Variants in GRIN3A observed in about 807,000 individuals in gnomAD.
GRIN3A encodes glutamate ionotropic receptor NMDA type subunit 3A.
A neutral mutation model predicts 92.4 loss-of-function variants in GRIN3A; 47 were observed. That is an observed-to-expected ratio of 0.51 (90% confidence interval 0.40 to 0.65). The LOEUF (loss-of-function observed/expected upper bound fraction) is 0.65. Among genes scored for constraint, GRIN3A ranks in the 30% least tolerant of loss-of-function variants. GRIN3A has a pLI of 0.00. For synonymous variants in GRIN3A, 527 were observed against 540.6 expected (o/e 0.97, Z 0.35); for missense variants, 1,324 against 1,393.1 (o/e 0.95, Z 0.79).
rs1588240995 is a variant in GRIN3A at position 101,595,056 on chromosome 9, A to C, written c.2767-15696T>G. On this transcript the variant is annotated intron_variant, in intron 6 of 8. Coordinates refer to ENST00000361820, the MANE Select transcript of GRIN3A (RefSeq NM_133445.3). ...GGGCTCCCGGGGGCCCTGGTCGAGC[A>C]AAAGGGCAGGGGAGCGGAGGGAGGG... is the stretch of plus-strand genomic sequence containing the variant. 4.1e-6 allele frequency: 4 copies of C among 984,948 alleles called. No homozygotes were observed. In the East Asian group the frequency reaches 1.0e-4, roughly 25 times the overall value. The allele number at this position is 984,948 out of a possible 1,614,324, so 61.0% of individuals were successfully genotyped here.
intron 6 of GRIN3A, among the ~76,000 whole-genome samples, chr9:101,605,087 C>G (rs1334903308): frequency 6.6e-6 from 1 of 152,190 alleles, no homozygotes; most frequent in Non-Finnish European, 1.5e-5. Context: ...GCCCCGGGAC[C>G]CATATCTTCA....
At chr9:101,680,640 G>A (rs1440392314) in intron 2 of GRIN3A, among the ~76,000 whole-genome samples, 1 of 152,112 alleles carries the variant, frequency 6.6e-6, no homozygotes, top group African/African-American at 2.4e-5. Context: ...CCAGGTCAAG[G>A]AAAATGGATA....
At chr9:101,626,824 T>C (rs899604129) in intron 4 of GRIN3A, among the ~76,000 whole-genome samples, 7 of 152,254 alleles carry the variant, frequency 4.6e-5, no homozygotes, top group Non-Finnish European at 8.8e-5. Flanking sequence ...TAGTCCTGAC[T>C]CTGCCACTTG....
intron 1 of GRIN3A, among the ~76,000 whole-genome samples, chr9:101,707,070 T>C (rs1829823256): frequency 6.6e-6 from 1 of 152,230 alleles, no homozygotes; most frequent in Non-Finnish European, 1.5e-5. Flanking sequence ...TTGCAAAAGA[T>C]GCCAGTATCT....
At chr9:101,713,383 A>G (rs1448766904) in intron 1 of GRIN3A, among the ~76,000 whole-genome samples, 1 of 152,206 alleles carries the variant, frequency 6.6e-6, no homozygotes, top group African/African-American at 2.4e-5. Flanking sequence ...CAAAAAGGGC[A>G]TATCAGAAAC....
chr9:101,664,696 T>C (rs966650398), intron 3 of GRIN3A, among the ~76,000 whole-genome samples: 13 of 152,022 alleles, frequency 8.6e-5, no homozygotes, highest in Admixed American at 8.5e-4. Context: ...GCGCAGGCTC[T>C]TGCTTTTAAT....
intron 6 of GRIN3A, among the ~76,000 whole-genome samples, chr9:101,613,018 A>G (rs559263516): frequency 7.2e-5 from 11 of 152,248 alleles, no homozygotes; most frequent in Non-Finnish European, 1.5e-4. Flanking sequence ...TGAAGTACAC[A>G]TCATGTCCAT....
At chr9:101,648,265 C>T (rs1045904172) in intron 3 of GRIN3A, among the ~76,000 whole-genome samples, 2 of 151,926 alleles carry the variant, frequency 1.3e-5, no homozygotes, top group South Asian at 4.1e-4. Flanking sequence ...ATAATCTGTA[C>T]AGTTTCCAAC....
intron 6 of GRIN3A, among the ~76,000 whole-genome samples, chr9:101,590,093 G>A (rs1024130134): frequency 4.6e-5 from 7 of 152,186 alleles, no homozygotes; most frequent in South Asian, 2.1e-4. Flanking sequence ...CAGTAACAAC[G>A]AAAGCAAACA....
At position 101,623,375 on chromosome 9, in the gene GRIN3A, C is replaced by T. The variant is rs761388316; in HGVS notation, c.2557G>A (p.Val853Met). 1.2e-6 allele frequency: 2 copies of T among 1,613,978 alleles called. No homozygotes were observed. Among genetic ancestry groups the T allele is most frequent in the East Asian group, 4.5e-5 (2 of 44,868 alleles). ...IMDKALLDYE[V>M]SIDADCKLLT... ...AGTTTGCAGTCAGCATCTATTGACA[C>T]TTCATAATCCAGAAGGGCTTTGTCC... is the stretch of plus-strand genomic sequence containing the variant. Residue 853 changes from valine (V) to methionine (M), a missense_variant, in exon 5 of 9, where the codon GTG (valine) becomes ATG (methionine). Val to Met is a conservative substitution (Grantham distance 21). Coordinates refer to ENST00000361820, the MANE Select transcript of GRIN3A (RefSeq NM_133445.3).
At chr9:101,576,827 A>G (rs1031606010) in intron 8 of GRIN3A, among the ~76,000 whole-genome samples, 2 of 152,178 alleles carry the variant, frequency 1.3e-5, no homozygotes, top group Admixed American at 6.5e-5. Context: ...AACAAGCTAG[A>G]TGGAGACTGC....
chr9:101,600,438 G>A (rs11790832), intron 6 of GRIN3A, among the ~76,000 whole-genome samples: 12,267 of 152,236 alleles, frequency 0.081, 588 homozygotes, highest in Middle Eastern at 0.12. Context: ...TTGATGGGAA[G>A]ATGGACATTA....
intron 1 of GRIN3A, among the ~76,000 whole-genome samples, chr9:101,689,969 A>G (rs762180702): frequency 3.0e-4 from 46 of 152,324 alleles, no homozygotes; most frequent in Admixed American, 1.0e-3. Context: ...AGTAATTTCC[A>G]TATTGTTTTT....
intron 5 of GRIN3A, among the ~76,000 whole-genome samples, 200 bp from the exon 6 acceptor site, chr9:101,613,727 G>A (rs999370399): frequency 1.3e-5 from 2 of 152,190 alleles, no homozygotes; most frequent in Admixed American, 1.3e-4. Flanking sequence ...GATGAATTGA[G>A]TTGGAAAAGG....
At chr9:101,612,290 G>A (rs1828378289) in intron 6 of GRIN3A, among the ~76,000 whole-genome samples, 1 of 152,182 alleles carries the variant, frequency 6.6e-6, no homozygotes, top group Non-Finnish European at 1.5e-5. Context: ...TGATGAATGT[G>A]GAAGATGAGA....
rs570976051 is a variant in GRIN3A at position 101,735,746 on chromosome 9, A to G, written c.699+1535T>C. ...AATAATGATGCACCCTATGGATGCA[A>G]TTTCATGTTTATAACACTTTGGTCA... On this transcript the variant is annotated intron_variant, in intron 1 of 8. Transcript: ENST00000361820. 2.3e-4 allele frequency among the ~76,000 whole-genome samples: 35 copies of G among 151,972 alleles called. 1 individual carries two copies. The highest frequency in any genetic ancestry group is 1.2e-3 in the Admixed American group (19 of 15,284).
chr9:101,588,182 G>T (rs114870059), intron 6 of GRIN3A, among the ~76,000 whole-genome samples: 175 of 152,238 alleles, frequency 1.1e-3, no homozygotes, highest in African/African-American at 4.1e-3. Context: ...TATTTAACAA[G>T]AATCATGAAG....
intron 3 of GRIN3A, among the ~76,000 whole-genome samples, chr9:101,656,909 T>G (rs2118926468): frequency 6.6e-6 from 1 of 151,934 alleles, no homozygotes; most frequent in African/African-American, 2.4e-5. Context: ...TTTTTTCTGG[T>G]TTCTTCTTCT....
intron 1 of GRIN3A, among the ~76,000 whole-genome samples, chr9:101,692,845 T>G (rs1588285858): frequency 6.6e-6 from 1 of 152,194 alleles, no homozygotes; most frequent in African/African-American, 2.4e-5. Flanking sequence ...GCCCAGGCTT[T>G]TAAATAAATT....
Sources: allele counts gnomAD v4.1 joint callset (sites outside exome capture counted in the v4.1 genomes callset), GRCh38; gene constraint gnomAD v4.1.1; transcripts MANE v1.5; gene names NCBI Gene and HGNC (gene_info 2026-07-23, HGNC 2026-07-21).